The following COX10 variants were observed in gnomAD, a reference collection of about 807,000 sequenced individuals.
COX10 encodes cytochrome c oxidase assembly factor heme A:farnesyltransferase COX10.
COX10 carries 27 observed loss-of-function variants against 37.3 expected under a neutral mutation model. The ratio of observed to expected loss-of-function variants is 0.72; its 90% CI spans 0.53 to 1.00. The LOEUF is 1.00. COX10 is among the 50% of genes least tolerant of loss of function. The pLI is 0.00. For synonymous variants in COX10, 222 were observed against 229.1 expected (o/e 0.97, Z 0.28); for missense variants, 475 against 563.2 (o/e 0.84, Z 1.59).
In COX10 at chr17:14,171,010, A is replaced by G. The variant is rs1905449882; in HGVS notation, c.695+11063A>G. 2.0e-5 allele frequency among the ~76,000 whole-genome samples: 3 copies of G among 152,194 alleles called. No individual in the cohort carries two copies. In the South Asian group the frequency reaches 6.2e-4, roughly 31 times the overall value. On this transcript the variant is annotated intron_variant, in intron 5 of 6. Transcript: ENST00000261643. Reference sequence around the variant, plus strand: ...AATATAATACTTGTCAGCTAATAACATAAAAAAGAAATTCAAGTTATTTTC... The same window carrying G: ...AATATAATACTTGTCAGCTAATAACGTAAAAAAGAAATTCAAGTTATTTTC...
At chr17:14,115,362 AT>A (rs1916087435) in intron 4 of COX10, among the ~76,000 whole-genome samples, 1 of 152,220 alleles carries the variant, frequency 6.6e-6, no homozygotes, top group African/African-American at 2.4e-5. Flanking sequence ...AGTGGCTATT[AT>A]TAAAAAGACA....
At chr17:14,100,053 A>T (rs1183064648) in intron 3 of COX10, among the ~76,000 whole-genome samples, 6 of 152,070 alleles carry the variant, frequency 3.9e-5, no homozygotes. Flanking sequence ...TCTAATCAAA[A>T]TATCCCATTT....
chr17:14,168,513 A>C (rs1479622770), intron 5 of COX10, among the ~76,000 whole-genome samples: 2 of 152,224 alleles, frequency 1.3e-5, no homozygotes, highest in Non-Finnish European at 2.9e-5. Context: ...GTTCTCCATG[A>C]GGGCTCAGCC....
At chr17:14,112,033 CTGAT>C (rs1207024327) in intron 4 of COX10, among the ~76,000 whole-genome samples, 3 of 152,132 alleles carry the variant, frequency 2.0e-5, no homozygotes, top group Admixed American at 6.6e-5. Flanking sequence ...TTCACTTACT[CTGAT>C]TGAGCGCGTG....
intron 4 of COX10, among the ~76,000 whole-genome samples, chr17:14,137,015 A>G (rs1195007498): frequency 1.3e-5 from 2 of 151,816 alleles, no homozygotes; most frequent in Admixed American, 6.6e-5. Flanking sequence ...TGAGGTGGTG[A>G]GGAATTTAAT....
chr17:14,164,653 A>G (rs923290698), intron 5 of COX10, among the ~76,000 whole-genome samples: 3 of 152,198 alleles, frequency 2.0e-5, no homozygotes, highest in Non-Finnish European at 4.4e-5. Context: ...CGGGTTTCTA[A>G]ACATCCCTTT....
intron 4 of COX10, among the ~76,000 whole-genome samples, chr17:14,132,733 T>C (rs1237444545): frequency 6.6e-6 from 1 of 151,698 alleles, no homozygotes; most frequent in Non-Finnish European, 1.5e-5. Context: ...CATTATGAAA[T>C]GTCTGTTTCA....
chr17:14,145,393 A>G (rs1904682557), intron 4 of COX10, among the ~76,000 whole-genome samples: 1 of 152,118 alleles, frequency 6.6e-6, no homozygotes, highest in South Asian at 2.1e-4. Context: ...GAAAAGTAGA[A>G]TATTAGGGCA....
chr17:14,101,049 G>C (rs1915766507), intron 3 of COX10, among the ~76,000 whole-genome samples: 1 of 152,134 alleles, frequency 6.6e-6, no homozygotes, highest in Non-Finnish European at 1.5e-5. Flanking sequence ...AACTACCCCT[G>C]GTTAAGAACT....
At chr17:14,075,526 A>C (rs1008407851) in intron 2 of COX10, among the ~76,000 whole-genome samples, 2 of 152,258 alleles carry the variant, frequency 1.3e-5, no homozygotes, top group Non-Finnish European at 2.9e-5. Flanking sequence ...GAGAGGAGAT[A>C]CTAATAATGA....
At chr17:14,147,592 A>G (rs1904760397) in intron 4 of COX10, among the ~76,000 whole-genome samples, 2 of 152,164 alleles carry the variant, frequency 1.3e-5, no homozygotes, top group Non-Finnish European at 1.5e-5. Flanking sequence ...CAGAGTGACT[A>G]TAGTCAATAA....
At chr17:14,072,457 G>A (rs1319511360) in intron 1 of COX10, among the ~76,000 whole-genome samples, 2 of 152,112 alleles carry the variant, frequency 1.3e-5, no homozygotes, top group Admixed American at 6.6e-5. Context: ...CTGACCTCAG[G>A]TGATCCCCCA....
intron 4 of COX10, among the ~76,000 whole-genome samples, chr17:14,148,962 A>G (rs1290699609): frequency 6.7e-6 from 1 of 148,242 alleles, no homozygotes; most frequent in African/African-American, 2.4e-5. Flanking sequence ...TTAAAATATA[A>G]CGTTATATTT....
Position 14,142,985 on chromosome 17 carries a change from T to G in COX10, c.625-16892T>G, listed in dbSNP as rs112702975. 8.7e-4 allele frequency among the ~76,000 whole-genome samples: 132 copies of G among 152,330 alleles called. 1 individual carries two copies. The Middle Eastern group carries it at 0.01, about 12-fold the overall frequency. ...ATGTCTTACCCTGCTATAAGAATTT[T>G]CAGCCTTTTTACATCTTTCAGCAAA... On this transcript the variant is annotated intron_variant, in intron 4 of 6. Transcript: ENST00000261643.
intron 3 of COX10, among the ~76,000 whole-genome samples, chr17:14,101,102 G>C (rs80083418): frequency 2.0e-5 from 3 of 152,192 alleles, no homozygotes; most frequent in Non-Finnish European, 2.9e-5. Context: ...GAAACATAGT[G>C]TAGAGATAGA....
At chr17:14,159,673 C>T (rs928137033) in intron 4 of COX10, among the ~76,000 whole-genome samples, 3 of 121,062 alleles carry the variant, frequency 2.5e-5, no homozygotes, top group Admixed American at 8.8e-5. Context: ...ATTCCTGACA[C>T]CTAGTGCAAA....
At chr17:14,156,334 A>G (rs1402714347) in intron 4 of COX10, among the ~76,000 whole-genome samples, 2 of 151,970 alleles carry the variant, frequency 1.3e-5, no homozygotes, top group Non-Finnish European at 1.5e-5. Context: ...GGTTCACACC[A>G]TTCTCCTGCC....
chr17:14,136,536 A>G (rs188297111), intron 4 of COX10, among the ~76,000 whole-genome samples: 3 of 152,080 alleles, frequency 2.0e-5, no homozygotes, highest in African/African-American at 7.2e-5. Context: ...ATTTCTTGCC[A>G]TAAAGCACGG....
rs577394122 is a variant in COX10, at chr17:14,102,430, A to G, written c.624+188A>G. ...TTCTTTTGAGGTGAATGGTTTTCAGATATGTTCAGGTGAGAGAGCAGTAGA... is the reference window on the plus strand; with the variant it reads ...TTCTTTTGAGGTGAATGGTTTTCAGGTATGTTCAGGTGAGAGAGCAGTAGA... On this transcript the variant is annotated intron_variant, in intron 4 of 6. Coordinates refer to ENST00000261643, the MANE Select transcript of COX10 (RefSeq NM_001303.4). 2.0e-5 allele frequency among the ~76,000 whole-genome samples: 3 copies of G among 152,236 alleles called. No individual in the cohort carries two copies. In the South Asian group the frequency reaches 6.2e-4, roughly 32 times the overall value.
Sources: gnomAD v4.1 joint callset for allele counts (sites outside exome capture counted in the v4.1 genomes callset) on GRCh38, gnomAD v4.1.1 for gene constraint, MANE v1.5 for transcripts, NCBI Gene and HGNC (gene_info 2026-07-23, HGNC 2026-07-21) for gene names.